EIF3E: variants seen among roughly 807,000 people sequenced by gnomAD.
The protein encoded by EIF3E is eukaryotic translation initiation factor 3 subunit E.
EIF3E carries 25 observed loss-of-function variants against 59.3 expected under a neutral mutation model. The observed-to-expected ratio is 0.42, with a 90% CI of 0.31 to 0.59. The LOEUF (loss-of-function observed/expected upper bound fraction) is 0.59, where lower values mean the gene tolerates loss of function less well. EIF3E is among the 20% of genes least tolerant of loss of function. EIF3E has a pLI of 0.15. For synonymous variants in EIF3E, 176 were observed against 170.2 expected (o/e 1.03, Z -0.26); for missense variants, 317 against 534.3 (o/e 0.59, Z 4.01).
intron 1 of EIF3E, 168 bp from the exon 2 acceptor site, chr8:108,242,081 C>T (rs1370012766): frequency 2.8e-6 from 4 of 1,436,894 alleles, no homozygotes; most frequent in Non-Finnish European, 3.7e-6. Context: ...GGCAAGCAAC[C>T]AACCTATAGA....
In EIF3E at chr8:108,228,302, G is replaced by A. The variant is rs781221022; in HGVS notation, c.687C>T (p.Arg229=). Residue 229 remains arginine, a synonymous_variant, in exon 7 of 13, where the codon CGC becomes CGT. Coordinates refer to ENST00000220849, the MANE Select transcript of EIF3E (RefSeq NM_001568.3). The part of the protein sequence containing the change: ...LFVFFNHPKG[R]DNIIDLFLYQ... Reference sequence around the variant, plus strand: ...AAAGGAAGAGGTCAATAATATTATCGCGACCTTTGGGGTGATTGAAGAAAA... The same window carrying A: ...AAAGGAAGAGGTCAATAATATTATCACGACCTTTGGGGTGATTGAAGAAAA... The A allele has an allele frequency of 5.9e-5, 95 of 1,605,888 alleles. No individual in the cohort carries two copies. The highest frequency in any genetic ancestry group is 1.6e-4 in the East Asian group (7 of 44,468).
At chr8:108,228,623 G>A (rs932071360) in intron 6 of EIF3E, among the ~76,000 whole-genome samples, 1 of 152,004 alleles carries the variant, frequency 6.6e-6, no homozygotes, top group African/African-American at 2.4e-5. Flanking sequence ...TACTGAAGAC[G>A]CTCTAATTTA....
intron 5 of EIF3E, chr8:108,233,591 CA>C: frequency 3.3e-6 from 1 of 304,544 alleles, no homozygotes; most frequent in Non-Finnish European, 6.8e-6. Flanking sequence ...CTGTAAATCC[CA>C]AAGCATTGAA....
At chr8:108,231,826 T>C (rs957109522) in intron 5 of EIF3E, 2 of 152,044 alleles carry the variant, frequency 1.3e-5, no homozygotes, top group African/African-American at 4.8e-5. Context: ...TCTCAATGTA[T>C]TCTAAAATCC....
At chr8:108,220,241 C>T (rs1257540422) in intron 7 of EIF3E, among the ~76,000 whole-genome samples, 1 of 152,082 alleles carries the variant, frequency 6.6e-6, no homozygotes, top group Admixed American at 6.5e-5. Flanking sequence ...TAATTGAGCA[C>T]ATTTAGAAAG....
rs546267419 is a variant in EIF3E, at chr8:108,203,736, G to A, written c.1062-233C>T. On this transcript the variant is annotated intron_variant, in intron 10 of 12. Coordinates refer to ENST00000220849, the MANE Select transcript of EIF3E (RefSeq NM_001568.3). ...TGGACTGTAAAATCCTTGAGGGTAGGGTAACATATTCTGCATTTACGGAAA... is the reference window on the plus strand; with the variant it reads ...TGGACTGTAAAATCCTTGAGGGTAGAGTAACATATTCTGCATTTACGGAAA... 5.9e-5 allele frequency among the ~76,000 whole-genome samples: 9 copies of A among 151,992 alleles called. No individual in the cohort carries two copies. The South Asian group carries it at 1.9e-3, about 32-fold the overall frequency.
At position 108,228,368 on chromosome 8, in the gene EIF3E, A is replaced by G; in HGVS notation, c.621T>C (p.Ser207=). The change falls in exon 7 of 13, where the codon TCT becomes TCC. Residue 207 remains serine (S), a synonymous_variant. Coordinates refer to ENST00000220849, the MANE Select transcript of EIF3E (RefSeq NM_001568.3). The part of the protein sequence containing the change: ...DNNSVSSPLQ[S]LQQRTWLIHW... ...GAATGAGCCATGTTCTCTGCTGAAG[A>G]GACTGAAGTGGAGAACTCACAGACT... 6.4e-7 allele frequency: 1 copy of G among 1,573,318 alleles called. No individual in the cohort carries two copies.
intron 10 of EIF3E, among the ~76,000 whole-genome samples, chr8:108,204,746 TAGAGAGAGAGAGAGAGAGAGAG>T (rs1180256994): frequency 8.8e-6 from 1 of 113,688 alleles, no homozygotes; most frequent in African/African-American, 3.5e-5. Flanking sequence ...TATATATATA[TAGAGAGAGAGAGAGAGAGAGAG>T]AGAGAGAGAG....
At chr8:108,244,674 T>C (rs368097984) in intron 1 of EIF3E, among the ~76,000 whole-genome samples, 1 of 152,174 alleles carries the variant, frequency 6.6e-6, no homozygotes. Context: ...AATACCCTTT[T>C]TGATGTCACT....
intron 9 of EIF3E, among the ~76,000 whole-genome samples, chr8:108,215,469 T>C (rs1039516822): frequency 6.6e-6 from 1 of 151,842 alleles, no homozygotes; most frequent in Non-Finnish European, 1.5e-5. Context: ...ATACAAAAAA[T>C]TAACCGGGCG....
intron 1 of EIF3E, 31 bp from the exon 2 acceptor site, chr8:108,241,944 T>C (rs201130421): frequency 2.1e-5 from 30 of 1,435,268 alleles, no homozygotes; most frequent in Non-Finnish European, 1.9e-6. Context: ...CTAATGAATA[T>C]ATTTAAGTTC....
intron 7 of EIF3E, among the ~76,000 whole-genome samples, chr8:108,223,853 C>A (rs1445354432): frequency 6.6e-6 from 1 of 151,306 alleles, no homozygotes; most frequent in Non-Finnish European, 1.5e-5. Context: ...AGACTTTAAC[C>A]TGCACTGGTA....
chr8:108,238,454 ATTAC>A (rs1419299057), intron 3 of EIF3E, among the ~76,000 whole-genome samples: 1 of 152,226 alleles, frequency 6.6e-6, no homozygotes, highest in Non-Finnish European at 1.5e-5. Flanking sequence ...TCATCTCTAG[ATTAC>A]TTACACTTAA....
At chr8:108,232,515 CA>C (rs934635567) in intron 5 of EIF3E, among the ~76,000 whole-genome samples, 2 of 152,028 alleles carry the variant, frequency 1.3e-5, no homozygotes, top group Non-Finnish European at 2.9e-5. Flanking sequence ...CTTGTATCGT[CA>C]TATTTTAAAA....
chr8:108,225,059 G>A (rs897162358), intron 7 of EIF3E, among the ~76,000 whole-genome samples: 5 of 151,442 alleles, frequency 3.3e-5, no homozygotes, highest in Non-Finnish European at 7.4e-5. Flanking sequence ...TCACTGTCAC[G>A]GCTGTCCTTA....
chr8:108,214,062 T>G (rs1357424925), intron 10 of EIF3E, among the ~76,000 whole-genome samples: 1 of 152,242 alleles, frequency 6.6e-6, no homozygotes, highest in Non-Finnish European at 1.5e-5. Flanking sequence ...TATGTACATT[T>G]CACAATTTTT....
chr8:108,246,954 G>A (rs1442178915), intron 1 of EIF3E, among the ~76,000 whole-genome samples: 1 of 152,108 alleles, frequency 6.6e-6, no homozygotes, highest in Non-Finnish European at 1.5e-5. Flanking sequence ...AAGTTTTGGG[G>A]GAGTCAAAAC....
At chr8:108,234,697 AT>A (rs1815692069) in intron 5 of EIF3E, 1 of 191,312 alleles carries the variant, frequency 5.2e-6, no homozygotes, top group African/African-American at 2.3e-5. Flanking sequence ...GTGCTGTATA[AT>A]ATTATAATAA....
chr8:108,229,552 A>G (rs1246501547), intron 5 of EIF3E, among the ~76,000 whole-genome samples: 1 of 152,180 alleles, frequency 6.6e-6, no homozygotes, highest in East Asian at 1.9e-4. Flanking sequence ...TTTGTCACTA[A>G]AATCACTAGG....
Sources: allele counts gnomAD v4.1 joint callset (sites outside exome capture counted in the v4.1 genomes callset), GRCh38; gene constraint gnomAD v4.1.1; transcripts MANE v1.5; gene names NCBI Gene and HGNC (gene_info 2026-07-23, HGNC 2026-07-21).